TGS1: variants seen among roughly 807,000 people sequenced by gnomAD.
TGS1 encodes trimethylguanosine synthase.
In TGS1, 69 loss-of-function variants were observed where a neutral mutation model predicts 92.2. The observed-to-expected ratio is 0.75, with a 90% CI of 0.62 to 0.91. The LOEUF (loss-of-function observed/expected upper bound fraction) is 0.91, where lower values mean the gene tolerates loss of function less well. Ranked by LOEUF, TGS1 falls within the 40% of genes least tolerant of loss-of-function variation. TGS1 has a pLI of 0.00. For synonymous variants in TGS1, 345 were observed against 338.1 expected, an observed-to-expected ratio of 1.02 and a Z score of -0.22; for missense variants, 1,062 against 1,001.2, an observed-to-expected ratio of 1.06 and a Z score of -0.82.
chr8:55,777,902 ATTTTT>A (rs56285134), intron 1 of TGS1, among the ~76,000 whole-genome samples: 26 of 150,578 alleles, frequency 1.7e-4, no homozygotes, highest in Admixed American at 5.3e-4. Flanking sequence ...AATAATTTAA[ATTTTT>A]TTTTTTTTTA....
chr8:55,813,229 C>T (rs1585790737), intron 12 of TGS1, 111 bp downstream of exon 12: 1 of 715,700 alleles, frequency 1.4e-6, no homozygotes, highest in Non-Finnish European at 2.3e-6. Context: ...AAGTCCCTGA[C>T]TCACTGACTA....
At chr8:55,790,026 A>G (rs1811830361) in intron 4 of TGS1, 156 bp from the exon 5 acceptor site, 5 of 618,766 alleles carry the variant, frequency 8.1e-6, no homozygotes, top group African/African-American at 1.9e-5. Flanking sequence ...CAGACTCTGC[A>G]TGTAGACACA....
intron 10 of TGS1, among the ~76,000 whole-genome samples, chr8:55,806,563 C>T (rs1812379475): frequency 6.6e-6 from 1 of 152,002 alleles, no homozygotes; most frequent in Non-Finnish European, 1.5e-5. Flanking sequence ...TTCAGGTCAA[C>T]AGTAGGCTAT....
rs1197339598 is a variant in TGS1, at chr8:55,786,321, T to C, written c.423T>C (p.Ser141=). 1 of 1,602,228 alleles carries C rather than the reference T, an allele frequency of 6.2e-7. No homozygotes were observed. Among genetic ancestry groups the C allele is most frequent in the East Asian group, 2.2e-5 (1 of 44,792 alleles). The change falls in exon 4 of 13, where the codon TCT becomes TCC. Residue 141 remains serine (S), a synonymous_variant. Transcript: ENST00000260129. ...KKYLDEIVQE[S]WRKEYEEDDI... The stretch of plus-strand genomic sequence containing the variant: ...ACTTAGATGAAATTGTGCAAGAATC[T>C]TGGAGAAAAGAATATGAAGAAGACG...
At chr8:55,776,393 G>A (rs1247642022) in intron 1 of TGS1, among the ~76,000 whole-genome samples, 3 of 149,326 alleles carry the variant, frequency 2.0e-5, no homozygotes, top group African/African-American at 7.4e-5. Context: ...CCATTCTCCT[G>A]CCTCAGCCCA....
intron 12 of TGS1, among the ~76,000 whole-genome samples, chr8:55,815,440 T>G (rs759109266): frequency 2.0e-5 from 3 of 152,186 alleles, no homozygotes; most frequent in Non-Finnish European, 4.4e-5. Flanking sequence ...TACTAAAAAT[T>G]GAGAGAAATC....
intron 12 of TGS1, among the ~76,000 whole-genome samples, chr8:55,814,065 A>G (rs761706144): frequency 2.0e-5 from 3 of 152,102 alleles, no homozygotes; most frequent in Non-Finnish European, 4.4e-5. Context: ...CTCCCACCTC[A>G]GCCTGCTGAG....
intron 10 of TGS1, among the ~76,000 whole-genome samples, chr8:55,808,690 G>A (rs1308421168): frequency 6.6e-6 from 1 of 151,850 alleles, no homozygotes; most frequent in East Asian, 1.9e-4. Context: ...TTTATTTTTA[G>A]TAGAGATGGG....
At chr8:55,790,351 A>T (rs1189250598) in intron 5 of TGS1, 52 bp downstream of exon 5, 1 of 1,138,972 alleles carries the variant, frequency 8.8e-7, no homozygotes. Flanking sequence ...AAGCATTTGT[A>T]TGCATAAGCC....
At chr8:55,778,972 G>A (rs545192334) in intron 1 of TGS1, among the ~76,000 whole-genome samples, 2 of 152,330 alleles carry the variant, frequency 1.3e-5, no homozygotes, top group East Asian at 3.9e-4. Flanking sequence ...AGGGCTCTAA[G>A]GAGAGCAGTA....
Position 55,796,103 on chromosome 8 carries a change from C to A in TGS1, c.1493C>A (p.Thr498Asn), listed in dbSNP as rs772159845. 6.8e-6 allele frequency: 11 copies of A among 1,612,808 alleles called. 1 individual carries two copies. In the Admixed American group the frequency reaches 1.7e-4, roughly 24 times the overall value. Residue 498 changes from threonine (T) to asparagine (N), a missense_variant, in exon 7 of 13, where the codon ACC becomes AAC. Coordinates refer to ENST00000260129, the MANE Select transcript of TGS1 (RefSeq NM_024831.8). The stretch of plus-strand genomic sequence containing the variant: ...ATGAAAAACAAACACATCTTCTTTA[C>A]CAAAGAGTCAGAAAAACCATTTTTC... ...IKMKNKHIFF[T>N]KESEKPFFKK...
Position 55,798,896 on chromosome 8 carries a change from G to A in TGS1, c.1543-18G>A. On this transcript the variant is annotated intron_variant, in intron 7 of 12. Coordinates refer to ENST00000260129, the MANE Select transcript of TGS1 (RefSeq NM_024831.8). ...TTTGGAATTAATTCCTGCTCATGAT[G>A]TCATCTTAAAATTTAAGGTAGAAAA... is the stretch of plus-strand genomic sequence containing the variant. 2 of 1,569,746 alleles carry A rather than the reference G, an allele frequency of 1.3e-6. No individual in the cohort carries two copies. The highest frequency in any genetic ancestry group is 1.7e-6 in the Non-Finnish European group (2 of 1,156,080).
At position 55,825,564 on chromosome 8, in the gene TGS1, A is replaced by C. The variant is rs557593620; in HGVS notation, c.*861A>C. 1.3e-5 allele frequency: 2 copies of C among 152,248 alleles called. No individual in the cohort carries two copies. The highest frequency in any genetic ancestry group is 1.3e-4 in the Admixed American group (2 of 15,280). 9.4% of individuals were successfully genotyped at this position (152,248 alleles called of 1,614,324 possible). ...ATTGAAGGTTAGACCTGGGACTTCTATATTTTAATAATATGAGCGTGTTAA... is the reference window on the plus strand; with the variant it reads ...ATTGAAGGTTAGACCTGGGACTTCTCTATTTTAATAATATGAGCGTGTTAA... On this transcript the variant is annotated 3_prime_UTR_variant, in exon 13 of 13. Transcript: ENST00000260129.
chr8:55,792,854 A>T (rs1046502216), intron 6 of TGS1, 70 bp downstream of exon 6: 31 of 913,224 alleles, frequency 3.4e-5, no homozygotes, highest in African/African-American at 3.3e-4. Context: ...GCACTCTGAT[A>T]CTCAGATAAC....
rs747244096 is a variant in TGS1, at chr8:55,796,071, A to T, written c.1461A>T (p.Gln487His). 6.2e-6 allele frequency: 10 copies of T among 1,613,420 alleles called. No individual in the cohort carries two copies. Among genetic ancestry groups the T allele is most frequent in the Non-Finnish European group, 7.6e-6 (9 of 1,179,464 alleles). ...LKSKYLDMRR[Q>H]IKMKNKHIFF... ...CTAAGTACCTAGACATGCGCAGACA[A>T]ATAAAGATGAAAAACAAACACATCT... Residue 487 changes from glutamine to histidine, a missense_variant, in exon 7 of 13, where the codon CAA becomes CAT. By Grantham distance (24) the Gln-to-His change is conservative. Transcript: ENST00000260129.
intron 7 of TGS1, among the ~76,000 whole-genome samples, chr8:55,797,379 CGTG>C (rs1225210333): frequency 6.6e-6 from 1 of 152,090 alleles, no homozygotes; most frequent in Non-Finnish European, 1.5e-5. Context: ...TCCCACAACA[CGTG>C]GGGATTATGG....
chr8:55,802,364 A>G (rs966589560), intron 8 of TGS1, 93 bp from the exon 9 acceptor site: 2 of 1,049,444 alleles, frequency 1.9e-6, no homozygotes, highest in Middle Eastern at 2.2e-4. Flanking sequence ...TTCTGCTTGT[A>G]ATTATTTGAT....
rs1323151644 is a variant in TGS1 at position 55,802,452 on chromosome 8, T to C, written c.1850-5T>C. ...AGCATCTATATTCTTTGTATTTTAT[T>C]TTAGCTGAAGTGAAAAAGAAGAAGA... On this transcript the variant is annotated splice_polypyrimidine_tract_variant and splice_region_variant and intron_variant, in intron 8 of 12. Transcript: ENST00000260129. The C allele has an allele frequency of 7.4e-6, 12 of 1,611,580 alleles. No homozygotes were observed. In the Admixed American group the frequency reaches 1.2e-4, roughly 16 times the overall value.
intron 6 of TGS1, among the ~76,000 whole-genome samples, chr8:55,794,050 A>G (rs1229637039): frequency 6.6e-6 from 1 of 152,172 alleles, no homozygotes; most frequent in Non-Finnish European, 1.5e-5. Context: ...CATTTAGCTA[A>G]TTCTGTAAAT....
Sources: allele counts gnomAD v4.1 joint callset (sites outside exome capture counted in the v4.1 genomes callset), GRCh38; gene constraint gnomAD v4.1.1; transcripts MANE v1.5; gene names NCBI Gene and HGNC (gene_info 2026-07-23, HGNC 2026-07-21).